The following SEMA3E variants were observed in gnomAD, a reference collection of about 807,000 sequenced individuals.
SEMA3E encodes semaphorin-3E.
Under a neutral mutation model 93.6 loss-of-function variants are expected in SEMA3E, and 49 were observed. That is an observed-to-expected ratio of 0.52 (90% CI 0.42 to 0.66). The LOEUF is 0.66. SEMA3E is among the 30% of genes least tolerant of loss of function. SEMA3E has a pLI of 0.00. For missense variants in SEMA3E, 906 were observed against 964.8 expected, an observed-to-expected ratio of 0.94 and a Z score of 0.81; for synonymous variants, 363 against 330.7, an observed-to-expected ratio of 1.10 and a Z score of -1.06.
chr7:83,492,727 TACAC>T (rs148334803), intron 1 of SEMA3E, among the ~76,000 whole-genome samples: 1 of 150,478 alleles, frequency 6.6e-6, no homozygotes, highest in Non-Finnish European at 1.5e-5. Context: ...TATATATATG[TACAC>T]ACACACACAC....
intron 1 of SEMA3E, among the ~76,000 whole-genome samples, chr7:83,646,423 T>C (rs1562868634): frequency 6.6e-6 from 1 of 152,120 alleles, no homozygotes; most frequent in African/African-American, 2.4e-5. Flanking sequence ...AGGCATTTGC[T>C]GCTTCAGGTA....
intron 1 of SEMA3E, among the ~76,000 whole-genome samples, chr7:83,580,235 A>G (rs1792491987): frequency 6.6e-6 from 1 of 152,018 alleles, no homozygotes; most frequent in Admixed American, 6.6e-5. Context: ...TACTTTTAAA[A>G]TGTTTGGATT....
chr7:83,539,864 T>TGC lies in SEMA3E; in HGVS notation c.116-49591_116-49590insGC, dbSNP rs1562824639. On this transcript the variant is annotated intron_variant, in intron 1 of 16. Transcript: ENST00000643230. Reference sequence around the variant, plus strand: ...TTTTGTTTTGTTGTTTCTGTGTGTGTGTGTGTGTGTGTGTGTGTGTGTGTG... The same window carrying TGC: ...TTTTGTTTTGTTGTTTCTGTGTGTGTGCGTGTGTGTGTGTGTGTGTGTGTGTG... 8.9e-4 allele frequency among the ~76,000 whole-genome samples: 122 copies of TGC among 137,066 alleles called. No homozygotes were observed. In the Middle Eastern group the frequency reaches 0.022, roughly 25 times the overall value. The allele number at this position is 137,066 out of a possible 152,430, so 89.9% of individuals were successfully genotyped here.
chr7:83,489,498 A>G (rs187897500), intron 2 of SEMA3E, among the ~76,000 whole-genome samples: 1 of 152,184 alleles, frequency 6.6e-6, no homozygotes, highest in African/African-American at 2.4e-5. Context: ...TTATGCCAAA[A>G]ATATTGTGTT....
intron 1 of SEMA3E, among the ~76,000 whole-genome samples, chr7:83,575,983 A>C (rs1792394017): frequency 6.6e-6 from 1 of 152,210 alleles, no homozygotes; most frequent in African/African-American, 2.4e-5. Context: ...TTTTCAAACG[A>C]TGTATTGTTA....
intron 1 of SEMA3E, among the ~76,000 whole-genome samples, chr7:83,633,642 G>A (rs1793828002): frequency 6.6e-6 from 1 of 152,144 alleles, no homozygotes; most frequent in Admixed American, 6.6e-5. Flanking sequence ...AAATTATTTA[G>A]ATGCCAAAGT....
intron 4 of SEMA3E, among the ~76,000 whole-genome samples, chr7:83,425,174 G>T (rs1788744483): frequency 6.6e-6 from 1 of 151,784 alleles, no homozygotes; most frequent in South Asian, 2.1e-4. Flanking sequence ...TATTGCAGAG[G>T]TGTCTGTTTT....
chr7:83,436,383 AAG>A (rs911361820), intron 4 of SEMA3E, among the ~76,000 whole-genome samples: 2 of 151,520 alleles, frequency 1.3e-5, no homozygotes, highest in African/African-American at 4.8e-5. Context: ...ATTTTTTATA[AAG>A]AGAGTTAACT....
intron 1 of SEMA3E, among the ~76,000 whole-genome samples, chr7:83,575,937 G>A (rs1792393169): frequency 6.6e-6 from 1 of 152,100 alleles, no homozygotes; most frequent in Non-Finnish European, 1.5e-5. Context: ...GTAGCACTCA[G>A]GTGGTGAAGC....
chr7:83,472,901 T>C (rs1456527268), intron 2 of SEMA3E, among the ~76,000 whole-genome samples: 1 of 152,176 alleles, frequency 6.6e-6, no homozygotes, highest in African/African-American at 2.4e-5. Context: ...TGTTCCCCCT[T>C]GGCTTGGCAC....
intron 14 of SEMA3E, among the ~76,000 whole-genome samples, chr7:83,390,667 AG>A: frequency 6.6e-6 from 1 of 152,308 alleles, no homozygotes; most frequent in South Asian, 2.1e-4. Context: ...TTATCCAAAA[AG>A]TTATCTTCCA....
chr7:83,392,547 C>G lies in SEMA3E; in HGVS notation c.1667+8G>C. The G allele has an allele frequency of 1.2e-6, 2 of 1,612,682 alleles. No individual in the cohort carries two copies. Among genetic ancestry groups the G allele is most frequent in the Non-Finnish European group, 1.7e-6 (2 of 1,179,494 alleles). ...AAGGGAAATAGTTAATCAGGTAGCA[C>G]GTCTCACCTTTTTGCATGTGTGCCT... On this transcript the variant is annotated splice_region_variant and intron_variant, in intron 14 of 16. Transcript: ENST00000643230.
intron 3 of SEMA3E, among the ~76,000 whole-genome samples, chr7:83,467,057 C>A (rs367772505): frequency 8.5e-6 from 1 of 117,168 alleles, no homozygotes; most frequent in South Asian, 3.0e-4. Flanking sequence ...AATATGCAGT[C>A]TTTTTTTTTT....
Position 83,367,880 on chromosome 7 carries a change from G to C in SEMA3E, c.2034C>G (p.Val678=). The C allele has an allele frequency of 6.2e-7, 1 of 1,610,902 alleles. No individual in the cohort carries two copies. The highest frequency in any genetic ancestry group is 8.5e-7 in the Non-Finnish European group (1 of 1,177,880). ...CATCGTCCTTGTTAAACATATCCTC[G>C]ACTTTCTCCTCTTCCACTACCTCCA... ...ITLEVVEEEK[V]EDMFNKDDEE... Residue 678 remains valine (V), a synonymous_variant, in exon 17 of 17, where the codon GTC becomes GTG. Coordinates refer to ENST00000643230, the MANE Select transcript of SEMA3E (RefSeq NM_012431.3).
rs150709276 is a variant in SEMA3E at position 83,396,497 on chromosome 7, G to A, written c.1458+141C>T. ...CAATCAAACAGATGCATTAGAATTT[G>A]AAATAATTCTTCACTTATATTAGCT... On this transcript the variant is annotated intron_variant, in intron 12 of 16. Transcript: ENST00000643230. 659 of 596,620 alleles carry A rather than the reference G, an allele frequency of 1.1e-3. 8 individuals are homozygous for A. The East Asian group carries it at 0.017, about 16-fold the overall frequency. 37.0% of individuals were successfully genotyped at this position (596,620 alleles called of 1,614,324 possible).
intron 1 of SEMA3E, among the ~76,000 whole-genome samples, chr7:83,645,900 T>A (rs1442523181): frequency 1.3e-5 from 2 of 152,078 alleles, no homozygotes; most frequent in African/African-American, 4.8e-5. Flanking sequence ...TTATATAATT[T>A]AACTCACGCT....
chr7:83,363,859 C>CTTTTTT lies in SEMA3E; in HGVS notation c.*3726_*3727insAAAAAA, dbSNP rs1562743425. 5.0e-5 allele frequency: 5 copies of CTTTTTT among 100,558 alleles called. No individual in the cohort carries two copies. The highest frequency in any genetic ancestry group is 1.4e-4 in the African/African-American group (3 of 21,430). The allele number at this position is 100,558 out of a possible 1,614,324, so 6.2% of individuals were successfully genotyped here. ...AGGCTACAGGTGTCACAGGTCAATT[C>CTTTTTT]ATTTTTTTTTTTTTTTTTTTTTTTT... On this transcript the variant is annotated 3_prime_UTR_variant, in exon 17 of 17. Transcript: ENST00000643230.
chr7:83,618,452 A>G (rs1415845431), intron 1 of SEMA3E, among the ~76,000 whole-genome samples: 1 of 152,030 alleles, frequency 6.6e-6, no homozygotes, highest in African/African-American at 2.4e-5. Flanking sequence ...AAAGCTTATA[A>G]GAGTTTGTAT....
chr7:83,521,625 G>T (rs1338023535), intron 1 of SEMA3E, among the ~76,000 whole-genome samples: 1 of 152,152 alleles, frequency 6.6e-6, no homozygotes, highest in Non-Finnish European at 1.5e-5. Flanking sequence ...AGCCTGGGAA[G>T]TTCAAGATCA....
Sources: allele counts gnomAD v4.1 joint callset (sites outside exome capture counted in the v4.1 genomes callset), GRCh38; gene constraint gnomAD v4.1.1; transcripts MANE v1.5; gene names NCBI Gene and HGNC (gene_info 2026-07-23, HGNC 2026-07-21).